The following ANKS1B variants were observed in gnomAD, a reference collection of about 807,000 sequenced individuals.
The protein encoded by ANKS1B is ankyrin repeat and sterile alpha motif domain containing 1B.
A neutral mutation model predicts 148.3 loss-of-function variants in ANKS1B; 36 were observed. The observed-to-expected ratio is 0.24, with a 90% CI of 0.19 to 0.32. The LOEUF (loss-of-function observed/expected upper bound fraction) is 0.32, where lower values mean the gene tolerates loss of function less well. ANKS1B is among the 10% of genes least tolerant of loss of function. The pLI, the probability that ANKS1B is intolerant of heterozygous loss-of-function variation, is 1.00. For missense variants in ANKS1B, 1,157 were observed against 1,542.6 expected (o/e 0.75, Z 4.19); for synonymous variants, 542 against 560.8 (o/e 0.97, Z 0.47).
rs146585099 is a variant in ANKS1B, at chr12:99,344,583, T to C, written c.1756+55048A>G. ...ATTTTGTTTCCCTTTAGTTAAACCCTAGATATCAAAGATTTATAATTTCTT... is the reference window on the plus strand; with the variant it reads ...ATTTTGTTTCCCTTTAGTTAAACCCCAGATATCAAAGATTTATAATTTCTT... On this transcript the variant is annotated intron_variant, in intron 12 of 26. Transcript: ENST00000683438. Among the ~76,000 whole-genome samples the C allele has an allele frequency of 7.5e-3, 1,147 of 152,180 alleles. 9 individuals carry two copies. The highest frequency in any genetic ancestry group is 0.01 in the Non-Finnish European group (702 of 67,970).
chr12:98,827,218 T>C (rs922792283), intron 19 of ANKS1B, among the ~76,000 whole-genome samples: 2 of 152,168 alleles, frequency 1.3e-5, no homozygotes, highest in Non-Finnish European at 2.9e-5. Flanking sequence ...ATTGATCAGA[T>C]TCCTGTGGTG....
chr12:99,628,749 G>A (rs1488733756), intron 9 of ANKS1B, among the ~76,000 whole-genome samples: 3 of 152,112 alleles, frequency 2.0e-5, no homozygotes, highest in Non-Finnish European at 4.4e-5. Context: ...GTTATCCCAT[G>A]GTGGAAAGCA....
At chr12:99,391,225 G>A (rs929218555) in intron 12 of ANKS1B, among the ~76,000 whole-genome samples, 4 of 152,038 alleles carry the variant, frequency 2.6e-5, no homozygotes, top group Non-Finnish European at 4.4e-5. Context: ...AAGAGCCACC[G>A]GACAGTAAAA....
chr12:99,843,236 A>G (rs1315772585), intron 1 of ANKS1B, among the ~76,000 whole-genome samples: 1 of 152,084 alleles, frequency 6.6e-6, no homozygotes, highest in Non-Finnish European at 1.5e-5. Context: ...ATATTTTTAA[A>G]TCTGTTGTTA....
At chr12:99,570,512 T>C (rs787421) in intron 9 of ANKS1B, among the ~76,000 whole-genome samples, 20,753 of 152,022 alleles carry the variant, frequency 0.14, 1,765 homozygotes, top group South Asian at 0.21. Flanking sequence ...CTGGGCATGG[T>C]GGCGGGTGCC....
At chr12:99,248,396 T>C (rs1041123384) in intron 12 of ANKS1B, among the ~76,000 whole-genome samples, 5 of 152,106 alleles carry the variant, frequency 3.3e-5, no homozygotes, top group African/African-American at 1.2e-4. Context: ...CATCCTGAGA[T>C]TGAAGAAAGA....
chr12:99,070,707 C>T lies in ANKS1B; in HGVS notation c.2625+14218G>A, dbSNP rs527703526. ...TTATTTGTTTTTTTAGAGACAGGGT[C>T]TCATTCTGCTGTCCAGACTGGAGTG... On this transcript the variant is annotated intron_variant, in intron 16 of 26. Coordinates refer to ENST00000683438, the MANE Select transcript of ANKS1B (RefSeq NM_001352186.2). Among the ~76,000 whole-genome samples the T allele has an allele frequency of 1.3e-3, 191 of 152,310 alleles. 1 individual carries two copies. Among genetic ancestry groups the T allele is most frequent in the African/African-American group, 4.5e-3 (187 of 41,568 alleles).
intron 9 of ANKS1B, among the ~76,000 whole-genome samples, chr12:99,507,880 A>G (rs1275312452): frequency 6.6e-6 from 1 of 151,756 alleles, no homozygotes; most frequent in African/African-American, 2.4e-5. Flanking sequence ...GAATATTACC[A>G]TTGTATCATT....
rs148793376 is a variant in ANKS1B at position 98,948,767 on chromosome 12, A to ACCC, written c.2778+104387_2778+104389dup. On this transcript the variant is annotated intron_variant, in intron 17 of 26. Coordinates refer to ENST00000683438, the MANE Select transcript of ANKS1B (RefSeq NM_001352186.2). ...CTCTCTCTGTCTCTCACACACCCAC[A>ACCC]CCCCCCCCCACACACACACATGCTG... Among the ~76,000 whole-genome samples the ACCC allele has an allele frequency of 4.7e-4, 61 of 129,312 alleles. 1 individual carries two copies. The highest frequency in any genetic ancestry group is 1.9e-3 in the African/African-American group (60 of 31,034). 84.8% of individuals were successfully genotyped at this position (129,312 alleles called of 152,430 possible).
intron 22 of ANKS1B, 30 bp from the exon 23 acceptor site, chr12:98,782,167 G>C (rs968784142): frequency 4.4e-6 from 7 of 1,579,582 alleles, no homozygotes; most frequent in Non-Finnish European, 3.5e-6. Flanking sequence ...AGACAGATGG[G>C]AACATAATAG....
At chr12:99,762,309 TAACA>T (rs2062208202) in intron 8 of ANKS1B, among the ~76,000 whole-genome samples, 1 of 151,116 alleles carries the variant, frequency 6.6e-6, no homozygotes, top group African/African-American at 2.4e-5. Flanking sequence ...ACAGCTACAA[TAACA>T]AATACTTCAT....
chr12:99,551,546 AGGG>A (rs1567332009), intron 9 of ANKS1B, among the ~76,000 whole-genome samples: 4 of 22,900 alleles, frequency 1.7e-4, no homozygotes, highest in Non-Finnish European at 3.6e-4. Flanking sequence ...AGGGGAGGGG[AGGG>A]GAGGGGAGGG....
chr12:98,981,853 G>T (rs1309348124), intron 17 of ANKS1B, among the ~76,000 whole-genome samples: 1 of 152,208 alleles, frequency 6.6e-6, no homozygotes, highest in Non-Finnish European at 1.5e-5. Context: ...TAATATTCGT[G>T]TCTTGTTAAA....
At chr12:98,939,885 C>A (rs1161017516) in intron 17 of ANKS1B, among the ~76,000 whole-genome samples, 6 of 152,224 alleles carry the variant, frequency 3.9e-5, no homozygotes, top group Non-Finnish European at 7.3e-5. Flanking sequence ...TTCAGTACTA[C>A]TGACTTTTTC....
chr12:98,914,645 A>C (rs1269767446), intron 17 of ANKS1B, among the ~76,000 whole-genome samples: 1 of 150,094 alleles, frequency 6.7e-6, no homozygotes, highest in African/African-American at 2.5e-5. Context: ...GCCTCCCTTC[A>C]CTGTTGAGTG....
At chr12:98,808,106 A>G (rs2099065167) in intron 19 of ANKS1B, among the ~76,000 whole-genome samples, 188 bp from the exon 20 acceptor site, 2 of 152,350 alleles carry the variant, frequency 1.3e-5, no homozygotes, top group Non-Finnish European at 2.9e-5. Context: ...TTGCTTTAAA[A>G]CATTTTGAGT....
At chr12:99,592,253 A>T (rs1325506480) in intron 9 of ANKS1B, among the ~76,000 whole-genome samples, 1 of 152,150 alleles carries the variant, frequency 6.6e-6, no homozygotes, top group Admixed American at 6.6e-5. Context: ...AATGCTCTTT[A>T]TTTTGCCAGC....
chr12:98,939,240 G>A (rs1299322704), intron 17 of ANKS1B, among the ~76,000 whole-genome samples: 3 of 152,212 alleles, frequency 2.0e-5, no homozygotes, highest in African/African-American at 7.2e-5. Context: ...GAGAATCAGA[G>A]TGAATATAGC....
At chr12:99,694,311 T>C (rs1567658863) in intron 8 of ANKS1B, among the ~76,000 whole-genome samples, 1 of 151,176 alleles carries the variant, frequency 6.6e-6, no homozygotes, top group Non-Finnish European at 1.5e-5. Context: ...CAGTGGTAGG[T>C]ACCTGTAATC....
Sources: gnomAD v4.1 joint callset for allele counts (sites outside exome capture counted in the v4.1 genomes callset) on GRCh38, gnomAD v4.1.1 for gene constraint, MANE v1.5 for transcripts, NCBI Gene and HGNC (gene_info 2026-07-23, HGNC 2026-07-21) for gene names.